TNFSF13B: variants seen among roughly 807,000 people sequenced by gnomAD.
TNFSF13B encodes TNF superfamily member 13b.
TNFSF13B carries 8 observed loss-of-function variants against 29.1 expected under a neutral mutation model. That is an observed-to-expected ratio of 0.27 (90% confidence interval 0.16 to 0.50). TNFSF13B has a LOEUF of 0.50. Among genes scored for constraint, TNFSF13B ranks in the 20% least tolerant of loss-of-function variants. The probability of loss-of-function intolerance (pLI) is 0.98; values close to 1 mark genes in which losing one functional copy is unlikely to be tolerated. For synonymous variants in TNFSF13B, 125 were observed against 130.8 expected (o/e 0.96, Z 0.30); for missense variants, 248 against 334.9 (o/e 0.74, Z 2.03).
In TNFSF13B at chr13:108,296,860, T is replaced by C. The variant is rs1241337601; in HGVS notation, c.482-6393T>C. ...GGTTTGAATTGATAACAACTTAGCT[T>C]CTCTCTTATGTTGTTATTGTCACAA... On this transcript the variant is annotated intron_variant, in intron 3 of 5. Coordinates refer to ENST00000375887, the MANE Select transcript of TNFSF13B (RefSeq NM_006573.5). Among the ~76,000 whole-genome samples the C allele has an allele frequency of 7.5e-5, 11 of 145,706 alleles. 1 individual carries two copies. Among genetic ancestry groups the C allele is most frequent in the Non-Finnish European group, 1.5e-5 (1 of 65,524 alleles).
intron 3 of TNFSF13B, among the ~76,000 whole-genome samples, chr13:108,296,861 C>T (rs1881469554): frequency 6.9e-6 from 1 of 145,498 alleles, no homozygotes; most frequent in African/African-American, 2.6e-5. Flanking sequence ...AACTTAGCTT[C>T]TCTCTTATGT....
chr13:108,305,978 A>G (rs1462855666), intron 5 of TNFSF13B, among the ~76,000 whole-genome samples: 1 of 152,152 alleles, frequency 6.6e-6, no homozygotes, highest in African/African-American at 2.4e-5. Flanking sequence ...GACAATTCAG[A>G]TGACAGTTTT....
intron 2 of TNFSF13B, among the ~76,000 whole-genome samples, chr13:108,276,879 T>G (rs1360873041): frequency 6.6e-6 from 1 of 152,260 alleles, no homozygotes; most frequent in Non-Finnish European, 1.5e-5. Flanking sequence ...TTAGTTTTAA[T>G]GCTTATTCTT....
At chr13:108,279,310 G>T (rs531630513) in intron 2 of TNFSF13B, among the ~76,000 whole-genome samples, 1 of 152,138 alleles carries the variant, frequency 6.6e-6, no homozygotes, top group African/African-American at 2.4e-5. Flanking sequence ...AAACAATTGC[G>T]TGTATAGTAA....
chr13:108,275,310 G>A (rs990908178), intron 2 of TNFSF13B, among the ~76,000 whole-genome samples: 5 of 152,010 alleles, frequency 3.3e-5, no homozygotes, highest in Admixed American at 1.3e-4. Context: ...AGAACCTAAA[G>A]ATGAATGTCT....
intron 2 of TNFSF13B, among the ~76,000 whole-genome samples, chr13:108,282,720 C>A (rs1466515000): frequency 6.6e-6 from 1 of 152,042 alleles, no homozygotes; most frequent in African/African-American, 2.4e-5. Context: ...TGTAAAACGG[C>A]ATTTTATAAG....
At chr13:108,284,738 C>A (rs1475235917) in intron 2 of TNFSF13B, among the ~76,000 whole-genome samples, 1 of 152,154 alleles carries the variant, frequency 6.6e-6, no homozygotes, top group African/African-American at 2.4e-5. Context: ...AAGATGAGAG[C>A]TTTGTATGCT....
In TNFSF13B at chr13:108,298,868, G is replaced by A. The variant is rs1031898147; in HGVS notation, c.482-4385G>A. ...TGCCTGTAGTCGCAGCTACTCGGGAGGCTGAGGCAGGAGAATCACTCGAAC... is the reference window on the plus strand; with the variant it reads ...TGCCTGTAGTCGCAGCTACTCGGGAAGCTGAGGCAGGAGAATCACTCGAAC... On this transcript the variant is annotated intron_variant, in intron 3 of 5. Coordinates refer to ENST00000375887, the MANE Select transcript of TNFSF13B (RefSeq NM_006573.5). Among the ~76,000 whole-genome samples, 6 of 145,498 alleles carry A rather than the reference G, an allele frequency of 4.1e-5. 1 individual carries two copies. Among genetic ancestry groups the A allele is most frequent in the Non-Finnish European group, 6.1e-5 (4 of 65,628 alleles).
At chr13:108,278,957 A>C (rs1375249422) in intron 2 of TNFSF13B, among the ~76,000 whole-genome samples, 1 of 152,184 alleles carries the variant, frequency 6.6e-6, no homozygotes, top group Non-Finnish European at 1.5e-5. Flanking sequence ...TAGAGATTCA[A>C]AAATGTATTA....
At chr13:108,283,243 C>T (rs1001160882) in intron 2 of TNFSF13B, among the ~76,000 whole-genome samples, 4 of 152,178 alleles carry the variant, frequency 2.6e-5, no homozygotes, top group East Asian at 1.9e-4. Flanking sequence ...AGCGAATTGC[C>T]TTGGAAAAGT....
chr13:108,303,698 C>T, intron 5 of TNFSF13B, 94 bp downstream of exon 5: 1 of 1,298,680 alleles, frequency 7.7e-7, no homozygotes, highest in Non-Finnish European at 1.1e-6. Context: ...AGGATGGTGC[C>T]CTAAAATACA....
At chr13:108,306,573 T>A (rs1026840782) in intron 5 of TNFSF13B, among the ~76,000 whole-genome samples, 1 of 152,002 alleles carries the variant, frequency 6.6e-6, no homozygotes, top group Non-Finnish European at 1.5e-5. Context: ...ATTGGGCTTC[T>A]TTTGGGGAAG....
intron 2 of TNFSF13B, among the ~76,000 whole-genome samples, chr13:108,276,297 G>A (rs571947845): frequency 2.6e-5 from 4 of 152,316 alleles, no homozygotes; most frequent in Middle Eastern, 3.4e-3. Flanking sequence ...TTCCCTGAGA[G>A]TTATTTTTTC....
rs555461426 is a variant in TNFSF13B, at chr13:108,298,829, G to A, written c.482-4424G>A. Among the ~76,000 whole-genome samples, 258 of 145,248 alleles carry A rather than the reference G, an allele frequency of 1.8e-3. 28 individuals carry two copies. The highest frequency in any genetic ancestry group is 3.0e-3 in the Non-Finnish European group (194 of 65,450). Reference sequence around the variant, plus strand: ...CTACTAAAAATACAAAACTTAGCCCGGCGTAGTGGCACTTGCCTGTAGTCG... The same window carrying A: ...CTACTAAAAATACAAAACTTAGCCCAGCGTAGTGGCACTTGCCTGTAGTCG... On this transcript the variant is annotated intron_variant, in intron 3 of 5. Coordinates refer to ENST00000375887, the MANE Select transcript of TNFSF13B (RefSeq NM_006573.5).
chr13:108,270,357 T>G lies in TNFSF13B; in HGVS notation c.357T>G (p.Ala119=). The stretch of plus-strand genomic sequence containing the variant: ...GTTCATAGATCTTTGAACCACCAGC[T>G]CCAGGAGAAGGCAACTCCAGTCAGA... ...TAGLKIFEPP[A]PGEGNSSQNS... Residue 119 remains alanine (A), a synonymous_variant, in exon 2 of 6, where the codon GCT becomes GCG. Coordinates refer to ENST00000375887, the MANE Select transcript of TNFSF13B (RefSeq NM_006573.5). 6.2e-7 allele frequency: 1 copy of G among 1,614,098 alleles called. No individual in the cohort carries two copies. The highest frequency in any genetic ancestry group is 1.1e-5 in the South Asian group (1 of 91,078).
At chr13:108,279,815 C>G (rs765916731) in intron 2 of TNFSF13B, among the ~76,000 whole-genome samples, 37 of 152,142 alleles carry the variant, frequency 2.4e-4, no homozygotes, top group Non-Finnish European at 4.4e-5. Flanking sequence ...TCCTCTCTCT[C>G]TGTGTCCCTC....
intron 3 of TNFSF13B, among the ~76,000 whole-genome samples, chr13:108,300,146 G>A (rs1284207807): frequency 1.3e-5 from 2 of 151,888 alleles, no homozygotes; most frequent in African/African-American, 2.4e-5. Flanking sequence ...CTATGATGGA[G>A]GGCATTTCAT....
At chr13:108,302,085 C>T (rs181825960) in intron 3 of TNFSF13B, among the ~76,000 whole-genome samples, 157 of 152,202 alleles carry the variant, frequency 1.0e-3, no homozygotes, top group African/African-American at 3.5e-3. Context: ...TCATGAAAAC[C>T]CACAGGAAAA....
chr13:108,271,008 A>G (rs1880598777), intron 2 of TNFSF13B, among the ~76,000 whole-genome samples: 1 of 151,614 alleles, frequency 6.6e-6, no homozygotes, highest in Admixed American at 6.6e-5. Flanking sequence ...CTTCTCTTTA[A>G]GGTACGCTTT....
Sources: allele counts gnomAD v4.1 joint callset (sites outside exome capture counted in the v4.1 genomes callset), GRCh38; gene constraint gnomAD v4.1.1; transcripts MANE v1.5; gene names NCBI Gene and HGNC (gene_info 2026-07-23, HGNC 2026-07-21).